MAP3K3: variants seen among roughly 807,000 people sequenced by gnomAD.
MAP3K3 encodes the protein mitogen-activated protein kinase kinase kinase 3.
A neutral mutation model predicts 80.9 loss-of-function variants in MAP3K3; 12 were observed. That is an observed-to-expected ratio of 0.15 (90% confidence interval 0.10 to 0.24). MAP3K3 has a LOEUF of 0.24. Among genes scored for constraint, MAP3K3 ranks in the 10% least tolerant of loss-of-function variants. MAP3K3 has a pLI of 1.00. For synonymous variants in MAP3K3, 272 were observed against 307.1 expected, an observed-to-expected ratio of 0.89 and a Z score of 1.19; for missense variants, 596 against 834.7, an observed-to-expected ratio of 0.71 and a Z score of 3.52.
rs902797489 is a variant in MAP3K3 at position 63,660,784 on chromosome 17, C to T, written c.381+2877C>T. 2.0e-5 allele frequency among the ~76,000 whole-genome samples: 3 copies of T among 151,766 alleles called. No individual in the cohort carries two copies. The South Asian group carries it at 6.2e-4, about 32-fold the overall frequency. On this transcript the variant is annotated intron_variant, in intron 5 of 15. Transcript: ENST00000361733. ...ATTTTGTATTTTTTTTTAGTAGAGACGGAGTTTCTCCATGTTGGTCAGGCT... is the reference window on the plus strand; with the variant it reads ...ATTTTGTATTTTTTTTTAGTAGAGATGGAGTTTCTCCATGTTGGTCAGGCT...
At chr17:63,685,680 G>T in intron 8 of MAP3K3, 90 bp downstream of exon 8, 1 of 1,004,956 alleles carries the variant, frequency 1.0e-6, no homozygotes, top group South Asian at 1.3e-5. Context: ...GGAGGCCCAG[G>T]GTTAAAACAT....
intron 3 of MAP3K3, 92 bp downstream of exon 3, chr17:63,646,166 C>A: frequency 8.8e-7 from 1 of 1,138,812 alleles, no homozygotes; most frequent in Non-Finnish European, 1.3e-6. Context: ...CTGTCCTGAT[C>A]CCTGTGGGGC....
intron 6 of MAP3K3, among the ~76,000 whole-genome samples, chr17:63,672,409 A>G (rs951912764): frequency 6.6e-6 from 1 of 152,158 alleles, no homozygotes; most frequent in Non-Finnish European, 1.5e-5. Context: ...GAATACTGGA[A>G]GAGAGCCTGG....
At chr17:63,662,967 G>A (rs946695184) in intron 5 of MAP3K3, among the ~76,000 whole-genome samples, 1 of 151,084 alleles carries the variant, frequency 6.6e-6, no homozygotes, top group Admixed American at 6.6e-5. Context: ...GAGCCACCAC[G>A]CCCGGCCCCA....
intron 1 of MAP3K3, among the ~76,000 whole-genome samples, chr17:63,627,907 CT>C (rs746879747): frequency 1.3e-3 from 190 of 142,866 alleles, no homozygotes; most frequent in Middle Eastern, 3.7e-3. Context: ...TTCTTCAATC[CT>C]TTTTTTTTTT....
At chr17:63,644,969 T>A (rs2034513510) in intron 2 of MAP3K3, among the ~76,000 whole-genome samples, 1 of 152,218 alleles carries the variant, frequency 6.6e-6, no homozygotes, top group Non-Finnish European at 1.5e-5. Flanking sequence ...CTCTCTCCTT[T>A]CCCTGTCATT....
At chr17:63,637,150 C>A in intron 2 of MAP3K3, 1 of 254,138 alleles carries the variant, frequency 3.9e-6, no homozygotes, top group Non-Finnish European at 7.7e-6. Flanking sequence ...CGCACGTGTG[C>A]AAGTGTGTGA....
At chr17:63,685,646 G>T (rs1406306598) in intron 8 of MAP3K3, 56 bp downstream of exon 8, 1 of 1,446,568 alleles carries the variant, frequency 6.9e-7, no homozygotes, top group African/African-American at 1.4e-5. Flanking sequence ...GGAATTGATG[G>T]GTTGAGGAAG....
chr17:63,625,973 C>T (rs1214729355), intron 1 of MAP3K3, among the ~76,000 whole-genome samples: 2 of 151,944 alleles, frequency 1.3e-5, no homozygotes, highest in African/African-American at 2.4e-5. Flanking sequence ...CCCAGGAGAC[C>T]GAGGTGGGAA....
chr17:63,625,304 T>C (rs1471815084), intron 1 of MAP3K3, among the ~76,000 whole-genome samples: 2 of 152,140 alleles, frequency 1.3e-5, no homozygotes, highest in Admixed American at 6.5e-5. Context: ...TTTGCTTTGA[T>C]ACTATGTGGC....
intron 6 of MAP3K3, among the ~76,000 whole-genome samples, chr17:63,671,401 A>G (rs2035106134): frequency 6.6e-6 from 1 of 151,790 alleles, no homozygotes; most frequent in African/African-American, 2.4e-5. Flanking sequence ...GACTACAGGC[A>G]TGCGCCACCA....
At chr17:63,646,952 C>T (rs2034552606) in intron 3 of MAP3K3, among the ~76,000 whole-genome samples, 1 of 152,150 alleles carries the variant, frequency 6.6e-6, no homozygotes, top group Non-Finnish European at 1.5e-5. Context: ...CTCAGCTTTC[C>T]TTTGCTTTGA....
At chr17:63,623,123 G>A (rs1223908654) in intron 1 of MAP3K3, among the ~76,000 whole-genome samples, 2 of 152,112 alleles carry the variant, frequency 1.3e-5, no homozygotes. Context: ...AGCGCAGTGT[G>A]GGGCCCGGGC....
intron 6 of MAP3K3, among the ~76,000 whole-genome samples, chr17:63,678,612 A>G (rs2035268165): frequency 6.6e-6 from 1 of 152,232 alleles, no homozygotes. Context: ...GGCTGGGGTG[A>G]TGTGTCCAAG....
At chr17:63,623,572 C>T (rs1855654468) in intron 1 of MAP3K3, among the ~76,000 whole-genome samples, 1 of 152,180 alleles carries the variant, frequency 6.6e-6, no homozygotes, top group African/African-American at 2.4e-5. Context: ...ACAATTTCTA[C>T]TGTGAAGATG....
chr17:63,648,687 CGTCTGTA>C (rs1450639109), intron 3 of MAP3K3, among the ~76,000 whole-genome samples: 2 of 152,044 alleles, frequency 1.3e-5, no homozygotes, highest in Non-Finnish European at 2.9e-5. Context: ...TGGTGGCCGG[CGTCTGTA>C]GTCCCAGCTA....
chr17:63,669,973 C>T (rs2035071478), intron 6 of MAP3K3, among the ~76,000 whole-genome samples: 1 of 151,710 alleles, frequency 6.6e-6, no homozygotes, highest in Non-Finnish European at 1.5e-5. Context: ...TGTGGTGGTG[C>T]AAGCTTGTAG....
At chr17:63,667,171 CTG>C (rs1801135679) in intron 6 of MAP3K3, 111 bp downstream of exon 6, 4 of 1,233,264 alleles carry the variant, frequency 3.2e-6, no homozygotes, top group Non-Finnish European at 3.3e-6. Flanking sequence ...AACTATTACT[CTG>C]TGTAGAGTAA....
At chr17:63,632,840 G>A in intron 2 of MAP3K3, 38 bp downstream of exon 2, 1 of 1,611,108 alleles carries the variant, frequency 6.2e-7, no homozygotes, top group Non-Finnish European at 8.5e-7. Context: ...GAGATTTGTT[G>A]GGGAGGGGTT....
Sources: gnomAD v4.1 joint callset for allele counts (sites outside exome capture counted in the v4.1 genomes callset) on GRCh38, gnomAD v4.1.1 for gene constraint, MANE v1.5 for transcripts, NCBI Gene and HGNC (gene_info 2026-07-23, HGNC 2026-07-21) for gene names.